The following KRCC1 variants were observed in gnomAD, a reference collection of about 807,000 sequenced individuals.
KRCC1 encodes the protein lysine rich coiled-coil 1.
KRCC1 carries 3 observed loss-of-function variants against 7.4 expected under a neutral mutation model. The observed-to-expected ratio is 0.40, with a 90% confidence interval of 0.18 to 1.04. The LOEUF (loss-of-function observed/expected upper bound fraction) is 1.04. Ranked by LOEUF, KRCC1 falls within the 50% of genes least tolerant of loss-of-function variation. The pLI is 0.33. For synonymous variants in KRCC1, 102 were observed against 101.6 expected (o/e 1.00, Z -0.02); for missense variants, 277 against 300.9 (o/e 0.92, Z 0.59).
At chr2:88,045,644 T>G (rs1673312645) in intron 1 of KRCC1, among the ~76,000 whole-genome samples, 1 of 152,020 alleles carries the variant, frequency 6.6e-6, no homozygotes, top group African/African-American at 2.4e-5. Flanking sequence ...CTTATGATAG[T>G]GGTTTCATGG....
chr2:88,044,401 CAAAAAAAA>C (rs10527729), intron 1 of KRCC1, among the ~76,000 whole-genome samples: 97,835 of 146,852 alleles, frequency 0.67, 32,254 homozygotes, highest in South Asian at 0.81. Context: ...CAAAAGAAAA[CAAAAAAAA>C]AAAAAAAGAA....
intron 1 of KRCC1, among the ~76,000 whole-genome samples, chr2:88,051,318 T>G (rs184817301): frequency 1.3e-5 from 2 of 152,358 alleles, no homozygotes; most frequent in African/African-American, 4.8e-5. Context: ...GAAAATGGAT[T>G]AGCAGATGCT....
intron 3 of KRCC1, among the ~76,000 whole-genome samples, chr2:88,031,746 T>A (rs547208977): frequency 6.6e-6 from 1 of 152,242 alleles, no homozygotes; most frequent in East Asian, 1.9e-4. Context: ...TAAGTGTGAT[T>A]ACAAAATAGT....
chr2:88,030,592 C>A (rs1672973978), intron 3 of KRCC1, among the ~76,000 whole-genome samples: 1 of 151,822 alleles, frequency 6.6e-6, no homozygotes, highest in Non-Finnish European at 1.5e-5. Context: ...GAATTAAAAC[C>A]ACAATGAGAT....
At chr2:88,051,442 TAAA>T (rs1320349217) in intron 1 of KRCC1, among the ~76,000 whole-genome samples, 3 of 152,208 alleles carry the variant, frequency 2.0e-5, no homozygotes, top group African/African-American at 7.2e-5. Context: ...AACAAAGTCT[TAAA>T]AAAATTCTAG....
At position 88,028,145 on chromosome 2, in the gene KRCC1, A is replaced by G. The variant is rs1672914199; in HGVS notation, c.419T>C (p.Phe140Ser). ...AGTACTGGTACTGTTATCTGAGGAG[A>G]AGTGCTTGTAAACTCTATGTTCTAC... ...HGVEHRVYKH[F>S]SSDNSTSTHQ... is the part of the protein sequence containing the mutation. The change falls in exon 4 of 4, where the codon TTC (phenylalanine) becomes TCC (serine). Residue 140 changes from phenylalanine to serine, a missense_variant. Phe to Ser is a radical substitution (Grantham distance 155). Transcript: ENST00000347055. 1 of 1,613,968 alleles carries G rather than the reference A, an allele frequency of 6.2e-7. No individual in the cohort carries two copies. The highest frequency in any genetic ancestry group is 1.1e-5 in the South Asian group (1 of 91,070).
At chr2:88,030,263 G>A (rs889979442) in intron 3 of KRCC1, among the ~76,000 whole-genome samples, 13 of 148,918 alleles carry the variant, frequency 8.7e-5, no homozygotes, top group African/African-American at 2.7e-4. Flanking sequence ...CTGCTAAAGG[G>A]AAGAAATGTT....
At chr2:88,036,601 ACTCTGGGGATCTATAATAT>A (rs1230044232) in intron 2 of KRCC1, among the ~76,000 whole-genome samples, 1 of 152,094 alleles carries the variant, frequency 6.6e-6, no homozygotes, top group Admixed American at 6.5e-5. Flanking sequence ...GTAAAGGAAG[ACTCTGGGGATCTATAATAT>A]CTCTTGACTT....
intron 1 of KRCC1, among the ~76,000 whole-genome samples, chr2:88,052,828 T>C (rs1169811477): frequency 3.3e-5 from 5 of 152,258 alleles, no homozygotes; most frequent in Non-Finnish European, 7.3e-5. Context: ...TTTCATTGCG[T>C]GAAATGACCT....
In KRCC1 at chr2:88,028,018, T is replaced by G; in HGVS notation, c.546A>C (p.Lys182Asn). 6.2e-7 allele frequency: 1 copy of G among 1,614,104 alleles called. No individual in the cohort carries two copies. ...EEERSKHKRKKSCEEIDLDKH... is the reference protein window; with the variant it reads ...EEERSKHKRKNSCEEIDLDKH... ...TGTCTAAGTCAATTTCCTCGCAGCT[T>G]TTTTTTCTCTTATGCTTAGACCGCT... is the stretch of plus-strand genomic sequence containing the variant. Residue 182 changes from lysine to asparagine, a missense_variant, in exon 4 of 4, where the codon AAA (lysine) becomes AAC (asparagine). Transcript: ENST00000347055.
chr2:88,049,443 C>A (rs1369523642), intron 1 of KRCC1, among the ~76,000 whole-genome samples: 1 of 152,122 alleles, frequency 6.6e-6, no homozygotes, highest in Non-Finnish European at 1.5e-5. Context: ...GTCCAGAGTT[C>A]CAGACCAGCC....
rs187390729 is a variant in KRCC1, at chr2:88,054,952, C to A, written c.-291+674G>T. On this transcript the variant is annotated intron_variant, in intron 1 of 3. Coordinates refer to ENST00000347055, the MANE Select transcript of KRCC1 (RefSeq NM_016618.3). Reference sequence around the variant, plus strand: ...CCACTGCACTCCAGCCTGGGCACAGCGAGACCTCCGTCTCTAAATTAGAGG... The same window carrying A: ...CCACTGCACTCCAGCCTGGGCACAGAGAGACCTCCGTCTCTAAATTAGAGG... Among the ~76,000 whole-genome samples the A allele has an allele frequency of 1.5e-3, 234 of 152,248 alleles. 1 individual carries two copies. Among genetic ancestry groups the A allele is most frequent in the African/African-American group, 5.5e-3 (228 of 41,562 alleles).
At chr2:88,030,933 C>A (rs1348431770) in intron 3 of KRCC1, among the ~76,000 whole-genome samples, 1 of 152,100 alleles carries the variant, frequency 6.6e-6, no homozygotes, top group Non-Finnish European at 1.5e-5. Flanking sequence ...ATGCACAATT[C>A]ATTATTCATG....
In KRCC1 at chr2:88,045,709, A is replaced by G. The variant is rs371346339; in HGVS notation, c.-290-8658T>C. Among the ~76,000 whole-genome samples the G allele has an allele frequency of 6.6e-5, 10 of 151,888 alleles. No individual in the cohort carries two copies. The East Asian group carries it at 9.7e-4, about 15-fold the overall frequency. On this transcript the variant is annotated intron_variant, in intron 1 of 3. Coordinates refer to ENST00000347055, the MANE Select transcript of KRCC1 (RefSeq NM_016618.3). ...TTGTACTTTTTTTTTTTTGAGACAGAGTCTCACTCTGTCGCTCAGGCTGGA... is the reference window on the plus strand; with the variant it reads ...TTGTACTTTTTTTTTTTTGAGACAGGGTCTCACTCTGTCGCTCAGGCTGGA...
intron 1 of KRCC1, among the ~76,000 whole-genome samples, chr2:88,044,189 AT>A (rs879459809): frequency 6.6e-6 from 1 of 151,826 alleles, no homozygotes; most frequent in Non-Finnish European, 1.5e-5. Flanking sequence ...CTACATTCTG[AT>A]ATCCATTTCT....
intron 3 of KRCC1, among the ~76,000 whole-genome samples, chr2:88,032,218 T>C (rs1673008450): frequency 6.6e-6 from 1 of 152,142 alleles, no homozygotes; most frequent in Admixed American, 6.6e-5. Context: ...TGTACAGTAA[T>C]ATCTTAGGCC....
chr2:88,043,573 G>T (rs1673261379), intron 1 of KRCC1, among the ~76,000 whole-genome samples: 1 of 152,196 alleles, frequency 6.6e-6, no homozygotes, highest in Non-Finnish European at 1.5e-5. Context: ...TTATTTCAAA[G>T]TATCACATTC....
Position 88,027,854 on chromosome 2 carries a change from T to C in KRCC1, c.710A>G (p.Lys237Arg). 1 of 1,611,012 alleles carries C rather than the reference T, an allele frequency of 6.2e-7. No individual in the cohort carries two copies. The highest frequency in any genetic ancestry group is 8.5e-7 in the Non-Finnish European group (1 of 1,179,438). ...SKKEERKRTK[K>R]KKEQGQERTE... is the part of the protein sequence containing the mutation. The stretch of plus-strand genomic sequence containing the variant: ...CCTTTCTTGGCCTTGTTCCTTTTTC[T>C]TTTTTGTACGCTTACGTTCCTCTTT... Residue 237 changes from lysine (K) to arginine (R), a missense_variant, in exon 4 of 4, where the codon AAG becomes AGG. Lys to Arg is a conservative substitution (Grantham distance 26). Coordinates refer to ENST00000347055, the MANE Select transcript of KRCC1 (RefSeq NM_016618.3).
intron 1 of KRCC1, among the ~76,000 whole-genome samples, chr2:88,045,546 T>C (rs1197607033): frequency 6.6e-6 from 1 of 152,142 alleles, no homozygotes; most frequent in African/African-American, 2.4e-5. Flanking sequence ...AGCAGATCAA[T>C]GGTTGCCCAG....
Sources: gnomAD v4.1 joint callset for allele counts (sites outside exome capture counted in the v4.1 genomes callset) on GRCh38, gnomAD v4.1.1 for gene constraint, MANE v1.5 for transcripts, NCBI Gene and HGNC (gene_info 2026-07-23, HGNC 2026-07-21) for gene names.